TTC23L: variants seen among roughly 807,000 people sequenced by gnomAD.
TTC23L encodes tetratricopeptide repeat domain 23 like, also known as tetratricopeptide repeat protein 23-like.
A neutral mutation model predicts 48.1 loss-of-function variants in TTC23L; 42 were observed. That is an observed-to-expected ratio of 0.87 (90% CI 0.68 to 1.13). The LOEUF is 1.13. Among genes scored for constraint, TTC23L ranks in the 50% most tolerant of loss-of-function variants. The pLI is 0.00. For missense variants in TTC23L, 391 were observed against 421.0 expected (o/e 0.93, Z 0.62); for synonymous variants, 159 against 157.2 (o/e 1.01, Z -0.09).
At chr5:34,840,821 A>G (rs1403228710) in intron 2 of TTC23L, 82 bp downstream of exon 2, 1 of 1,309,952 alleles carries the variant, frequency 7.6e-7, no homozygotes, top group African/African-American at 1.5e-5. Flanking sequence ...AACCTGGGTG[A>G]GGAGCTTTGC....
At chr5:34,911,950 G>T in the TTC23L span, 2 of 1,016,362 alleles carry the variant, frequency 2.0e-6, no homozygotes, top group South Asian at 1.6e-5. Context: ...TCATAAAAAG[G>T]GATGACATCT....
chr5:34,885,648 C>G (rs1427910405), intron 9 of TTC23L, among the ~76,000 whole-genome samples: 1 of 151,806 alleles, frequency 6.6e-6, no homozygotes, highest in Non-Finnish European at 1.5e-5. Context: ...ACTTTAGAGG[C>G]TGACGTAGAG....
At chr5:34,881,556 A>G (rs1762223433) in intron 9 of TTC23L, among the ~76,000 whole-genome samples, 1 of 152,210 alleles carries the variant, frequency 6.6e-6, no homozygotes, top group South Asian at 2.1e-4. Context: ...TGTAAAAACC[A>G]GTTTAAGAGT....
At chr5:34,890,977 T>A (rs1762832738) in intron 9 of TTC23L, among the ~76,000 whole-genome samples, 1 of 152,206 alleles carries the variant, frequency 6.6e-6, no homozygotes, top group African/African-American at 2.4e-5. Context: ...CCTCAGCCTC[T>A]GTTTATTCAT....
intron 4 of TTC23L, among the ~76,000 whole-genome samples, chr5:34,854,702 C>T (rs900515860): frequency 6.6e-6 from 1 of 152,180 alleles, no homozygotes; most frequent in Non-Finnish European, 1.5e-5. Flanking sequence ...TGAGCCTTTT[C>T]CAGCAGCCAA....
exon 6 of TTC23L, chr5:34,864,505 A>T: frequency 6.2e-7 from 1 of 1,613,876 alleles, no homozygotes; most frequent in Non-Finnish European, 8.5e-7. Flanking sequence ...GAATTATATA[A>T]AGGAGGTGTT....
At chr5:34,924,894 C>T in the TTC23L span, 1 of 1,608,662 alleles carries the variant, frequency 6.2e-7, no homozygotes, top group Non-Finnish European at 8.5e-7. Flanking sequence ...CTCGTTTTGT[C>T]TTAAATCTCA....
chr5:34,912,376 G>A, the TTC23L span, among the ~76,000 whole-genome samples: 1 of 152,190 alleles, frequency 6.6e-6, no homozygotes, highest in South Asian at 2.1e-4. Flanking sequence ...CTAGAGGGAA[G>A]GAGGAATATG....
intron 8 of TTC23L, 147 bp downstream of exon 8, chr5:34,869,160 C>G (rs377091710): frequency 1.6e-6 from 1 of 617,122 alleles, no homozygotes; most frequent in South Asian, 1.9e-5. Flanking sequence ...ATCAATTACA[C>G]ATTAATTTAA....
intron 7 of TTC23L, 78 bp downstream of exon 7, chr5:34,867,147 G>T: frequency 7.1e-7 from 1 of 1,417,304 alleles, no homozygotes; most frequent in Non-Finnish European, 9.7e-7. Flanking sequence ...GGGAAGCATG[G>T]GCTTCTCAGA....
chr5:34,911,116 C>T, the TTC23L span, among the ~76,000 whole-genome samples: 2 of 152,204 alleles, frequency 1.3e-5, no homozygotes, highest in Non-Finnish European at 2.9e-5. Context: ...GATGAATAAG[C>T]ACACGGTAGG....
chr5:34,875,697 A>G (rs1257065423), intron 8 of TTC23L, among the ~76,000 whole-genome samples: 1 of 152,186 alleles, frequency 6.6e-6, no homozygotes, highest in African/African-American at 2.4e-5. Flanking sequence ...CTCAGTATTA[A>G]TCATCACACC....
At position 34,867,097 on chromosome 5, in the gene TTC23L, G is replaced by T. The variant is rs1304058413; in HGVS notation, c.840+28G>T. ...CAGTGGGTTGGCCAGAGCCCAGGCT[G>T]GGTTGCCTTGTTTGGCCCCAGGCTT... On this transcript the variant is annotated intron_variant, in intron 7 of 10. Coordinates refer to ENST00000505624, the Ensembl canonical transcript of TTC23L. The T allele has an allele frequency of 1.9e-6, 3 of 1,595,656 alleles. No individual in the cohort carries two copies. In the South Asian group the frequency reaches 3.4e-5, roughly 18 times the overall value.
At chr5:34,922,373 C>T in the TTC23L span, 1 of 978,310 alleles carries the variant, frequency 1.0e-6, no homozygotes, top group South Asian at 1.6e-5. Flanking sequence ...CCTAGTGTTT[C>T]ATGTTAAGGG....
the TTC23L span, chr5:34,922,227 T>C: frequency 2.5e-6 from 4 of 1,577,220 alleles, no homozygotes; most frequent in African/African-American, 4.1e-5. Flanking sequence ...GTTTGTGAAA[T>C]GAAGAACTGT....
At chr5:34,850,269 G>C (rs1038044266) in exon 4 of TTC23L, 2 of 1,613,916 alleles carry the variant, frequency 1.2e-6, no homozygotes, top group Non-Finnish European at 1.7e-6. Context: ...ATGTGCACGA[G>C]CTCTGGCCAA....
intron 3 of TTC23L, among the ~76,000 whole-genome samples, chr5:34,847,433 G>T (rs1759298785): frequency 6.6e-6 from 1 of 151,538 alleles, no homozygotes; most frequent in Non-Finnish European, 1.5e-5. Flanking sequence ...ATTGTATAAA[G>T]TGAACAGGTG....
rs114005883 is a variant in TTC23L, at chr5:34,854,358, A to G, written c.379+4050A>G. On this transcript the variant is annotated intron_variant, in intron 4 of 10. Coordinates refer to ENST00000505624, the Ensembl canonical transcript of TTC23L. ...GATACCAGCCTAGATTTTTTTTTAGAATAGGTTGTGACTGTAAGCTTTCTT... is the reference window on the plus strand; with the variant it reads ...GATACCAGCCTAGATTTTTTTTTAGGATAGGTTGTGACTGTAAGCTTTCTT... Among the ~76,000 whole-genome samples the G allele has an allele frequency of 9.6e-3, 1,457 of 152,126 alleles. 24 individuals carry two copies. The highest frequency in any genetic ancestry group is 0.034 in the African/African-American group (1,413 of 41,484).
intron 2 of TTC23L, among the ~76,000 whole-genome samples, chr5:34,841,732 G>T (rs1758694966): frequency 6.6e-6 from 1 of 152,148 alleles, no homozygotes; most frequent in Non-Finnish European, 1.5e-5. Flanking sequence ...ACCTAGGCTG[G>T]TCTGGAACTC....
Sources: allele counts gnomAD v4.1 joint callset (sites outside exome capture counted in the v4.1 genomes callset), GRCh38; gene constraint gnomAD v4.1.1; transcripts MANE v1.5; gene names NCBI Gene and HGNC (gene_info 2026-07-23, HGNC 2026-07-21).